The following SFTPD variants were observed in gnomAD, a reference collection of about 807,000 sequenced individuals.
SFTPD encodes pulmonary surfactant-associated protein D.
Under a neutral mutation model 34.6 loss-of-function variants are expected in SFTPD, and 18 were observed. That is an observed-to-expected ratio of 0.52 (90% CI 0.36 to 0.77). The LOEUF (loss-of-function observed/expected upper bound fraction) is 0.77. Among genes scored for constraint, SFTPD ranks in the 30% least tolerant of loss-of-function variants. SFTPD has a pLI of 0.00. For synonymous variants in SFTPD, 155 were observed against 180.9 expected (o/e 0.86, Z 1.15); for missense variants, 433 against 468.9 (o/e 0.92, Z 0.71).
chr10:79,956,803 G>A (rs1212383613), intron 1 of SFTPD, among the ~76,000 whole-genome samples: 1 of 151,944 alleles, frequency 6.6e-6, no homozygotes, highest in Non-Finnish European at 1.5e-5. Flanking sequence ...GAAGAGAGTA[G>A]TGGTTCTCCC....
intron 2 of SFTPD, among the ~76,000 whole-genome samples, chr10:79,945,948 T>A (rs1196495501): frequency 6.6e-6 from 1 of 152,190 alleles, no homozygotes; most frequent in Non-Finnish European, 1.5e-5. Flanking sequence ...ACTACTCCAG[T>A]GAATGCCCAA....
chr10:79,981,064 C>A (rs1465685088), intron 1 of SFTPD, among the ~76,000 whole-genome samples: 1 of 152,050 alleles, frequency 6.6e-6, no homozygotes, highest in Non-Finnish European at 1.5e-5. Flanking sequence ...TAAGAAATCT[C>A]AATGAAATCC....
At chr10:79,976,024 T>C (rs1842862406) in intron 1 of SFTPD, among the ~76,000 whole-genome samples, 1 of 152,200 alleles carries the variant, frequency 6.6e-6, no homozygotes, top group Non-Finnish European at 1.5e-5. Context: ...CTGCAGAGAT[T>C]TTGTTTATGG....
chr10:79,956,120 G>T (rs538718919), intron 1 of SFTPD, among the ~76,000 whole-genome samples: 1 of 147,628 alleles, frequency 6.8e-6, no homozygotes, highest in Middle Eastern at 3.5e-3. Context: ...TATATTTATT[G>T]TGAAAATGTT....
intron 2 of SFTPD, among the ~76,000 whole-genome samples, chr10:79,944,424 G>C (rs1564529798): frequency 6.6e-6 from 1 of 152,176 alleles, no homozygotes; most frequent in Non-Finnish European, 1.5e-5. Flanking sequence ...TCACTGAGAA[G>C]GTGATCCGGG....
At chr10:79,976,885 C>T (rs1842866730) in intron 1 of SFTPD, among the ~76,000 whole-genome samples, 1 of 152,110 alleles carries the variant, frequency 6.6e-6, no homozygotes, top group South Asian at 2.1e-4. Flanking sequence ...GCTGGTCTTT[C>T]CCATGGTTTT....
intron 2 of SFTPD, among the ~76,000 whole-genome samples, chr10:79,944,878 G>A (rs1190273917): frequency 1.3e-5 from 2 of 151,984 alleles, no homozygotes; most frequent in South Asian, 2.1e-4. Flanking sequence ...AATTTTCCTC[G>A]TAGCAGATTC....
At chr10:79,971,851 T>C (rs1358026121) in intron 1 of SFTPD, 1 of 152,214 alleles carries the variant, frequency 6.6e-6, no homozygotes, top group East Asian at 1.9e-4. Flanking sequence ...TGGAAATGTT[T>C]GACCTTCATG....
chr10:79,960,968 A>G (rs1842768909), intron 1 of SFTPD, among the ~76,000 whole-genome samples: 1 of 152,206 alleles, frequency 6.6e-6, no homozygotes, highest in South Asian at 2.1e-4. Flanking sequence ...ATGGAACAGA[A>G]CAGAGCCCTC....
chr10:79,950,377 G>A (rs1842702747), upstream of SFTPD: 1 of 152,180 alleles, frequency 6.6e-6, no homozygotes, highest in South Asian at 2.1e-4. Flanking sequence ...TGCTGGTCTT[G>A]TGGTGACAAA....
intron 1 of SFTPD, among the ~76,000 whole-genome samples, chr10:79,980,955 G>A (rs1007698439): frequency 6.6e-6 from 1 of 152,108 alleles, no homozygotes; most frequent in African/African-American, 2.4e-5. Context: ...GACCACCAAG[G>A]AGAACATGAC....
chr10:79,941,834 C>T (rs1416481716), intron 5 of SFTPD, 120 bp downstream of exon 5: 1 of 741,686 alleles, frequency 1.3e-6, no homozygotes, highest in African/African-American at 1.7e-5. Flanking sequence ...CAGATTCTCT[C>T]CATGTTCCAG....
intron 1 of SFTPD, among the ~76,000 whole-genome samples, chr10:79,956,512 C>A (rs10887238): frequency 0.11 from 16,200 of 152,338 alleles, 1,549 homozygotes; most frequent in East Asian, 0.55. Context: ...TATCCCGCAC[C>A]TGGCTTGGAG....
upstream of SFTPD, among the ~76,000 whole-genome samples, chr10:79,951,243 G>C (rs1426994227): frequency 6.6e-6 from 1 of 152,016 alleles, no homozygotes; most frequent in Non-Finnish European, 1.5e-5. Flanking sequence ...GTGATCCTTT[G>C]GGCATGTCAA....
intron 1 of SFTPD, among the ~76,000 whole-genome samples, chr10:79,975,496 C>T (rs1007437899): frequency 1.3e-5 from 2 of 152,166 alleles, no homozygotes; most frequent in African/African-American, 4.8e-5. Flanking sequence ...CAGGTGTCCT[C>T]CAGCTTAGTT....
At chr10:79,967,673 ATT>A (rs987743707) in intron 1 of SFTPD, among the ~76,000 whole-genome samples, 3 of 151,222 alleles carry the variant, frequency 2.0e-5, no homozygotes, top group African/African-American at 7.3e-5. Flanking sequence ...TCTGATCTTT[ATT>A]TTTCTTATTA....
chr10:79,965,013 G>T (rs574295161), intron 1 of SFTPD, among the ~76,000 whole-genome samples: 100 of 152,172 alleles, frequency 6.6e-4, no homozygotes, highest in African/African-American at 2.4e-3. Context: ...AGTTTCTCAG[G>T]CTTTTGGTAT....
intron 2 of SFTPD, 142 bp from the exon 3 acceptor site, chr10:79,943,021 T>C: frequency 1.6e-6 from 1 of 618,098 alleles, no homozygotes; most frequent in Non-Finnish European, 2.9e-6. Context: ...CCAGTGGTGA[T>C]CCAGGAAATG....
At chr10:79,957,585 A>G (rs1033553024) in intron 1 of SFTPD, among the ~76,000 whole-genome samples, 1 of 152,216 alleles carries the variant, frequency 6.6e-6, no homozygotes, top group Non-Finnish European at 1.5e-5. Context: ...TGAAGCGAGA[A>G]GGGAAGTTTA....
Sources: gnomAD v4.1 joint callset for allele counts (sites outside exome capture counted in the v4.1 genomes callset) on GRCh38, gnomAD v4.1.1 for gene constraint, MANE v1.5 for transcripts, NCBI Gene and HGNC (gene_info 2026-07-23, HGNC 2026-07-21) for gene names.